The following ZBTB16 variants were observed in gnomAD, a reference collection of about 807,000 sequenced individuals.
ZBTB16 encodes zinc finger and BTB domain containing 16, also known as zinc finger and BTB domain-containing protein 16.
Under a neutral mutation model 56.8 loss-of-function variants are expected in ZBTB16, and 8 were observed. That is an observed-to-expected ratio of 0.14 (90% CI 0.08 to 0.25). The LOEUF is 0.25. ZBTB16 is among the 10% of genes least tolerant of loss of function. ZBTB16 has a pLI of 1.00. For missense variants in ZBTB16, 625 were observed against 903.0 expected (o/e 0.69, Z 3.95); for synonymous variants, 363 against 368.5 (o/e 0.98, Z 0.17).
At chr11:114,180,534 C>G (rs1349348735) in intron 3 of ZBTB16, among the ~76,000 whole-genome samples, 1 of 152,246 alleles carries the variant, frequency 6.6e-6, no homozygotes, top group African/African-American at 2.4e-5. Flanking sequence ...GACAGCCCCA[C>G]TTCCTAACCT....
chr11:114,094,619 T>C (rs1565621969), intron 2 of ZBTB16, among the ~76,000 whole-genome samples: 1 of 152,194 alleles, frequency 6.6e-6, no homozygotes, highest in Non-Finnish European at 1.5e-5. Flanking sequence ...CTTTCTGGGC[T>C]CAAGCATGGT....
intron 4 of ZBTB16, chr11:114,210,085 G>A (rs1188368231): frequency 2.2e-5 from 8 of 369,062 alleles, no homozygotes; most frequent in Non-Finnish European, 3.0e-5. Flanking sequence ...AGCAGATGAA[G>A]GAGGTGTACT....
intron 3 of ZBTB16, among the ~76,000 whole-genome samples, chr11:114,171,762 C>G (rs1471420714): frequency 6.6e-6 from 1 of 152,228 alleles, no homozygotes; most frequent in Non-Finnish European, 1.5e-5. Flanking sequence ...GTTTTCAGAA[C>G]TTTATCTCAG....
chr11:114,097,187 A>G (rs1166982671), intron 2 of ZBTB16, among the ~76,000 whole-genome samples: 1 of 152,242 alleles, frequency 6.6e-6, no homozygotes, highest in Non-Finnish European at 1.5e-5. Flanking sequence ...TAGGTGAAAT[A>G]AGCTAGATAG....
chr11:114,239,787 A>C (rs1023560087), intron 4 of ZBTB16, among the ~76,000 whole-genome samples: 1 of 152,142 alleles, frequency 6.6e-6, no homozygotes, highest in African/African-American at 2.4e-5. Context: ...TACCATCCTT[A>C]CTGGGCCTCT....
chr11:114,152,233 C>T (rs1054230591), intron 2 of ZBTB16, among the ~76,000 whole-genome samples: 2 of 152,180 alleles, frequency 1.3e-5, no homozygotes, highest in South Asian at 2.1e-4. Context: ...AATATAGGCA[C>T]GGTCTCTGCC....
At chr11:114,184,684 A>G (rs953507090) in intron 3 of ZBTB16, among the ~76,000 whole-genome samples, 4 of 152,166 alleles carry the variant, frequency 2.6e-5, no homozygotes, top group African/African-American at 7.2e-5. Flanking sequence ...AGGTAATGCT[A>G]GCATGTACTA....
At chr11:114,127,485 C>T (rs963654786) in intron 2 of ZBTB16, among the ~76,000 whole-genome samples, 1 of 152,308 alleles carries the variant, frequency 6.6e-6, no homozygotes, top group East Asian at 1.9e-4. Context: ...CTCACACTCC[C>T]CACCCCAGTA....
At chr11:114,099,429 A>G (rs534780892) in intron 2 of ZBTB16, among the ~76,000 whole-genome samples, 14 of 152,096 alleles carry the variant, frequency 9.2e-5, no homozygotes, top group African/African-American at 3.4e-4. Flanking sequence ...TGTAGGTATT[A>G]TTTAGATTTA....
chr11:114,217,763 A>G (rs1028639599), intron 4 of ZBTB16, among the ~76,000 whole-genome samples: 3 of 152,148 alleles, frequency 2.0e-5, no homozygotes, highest in Non-Finnish European at 4.4e-5. Flanking sequence ...GCAGAACACC[A>G]TGGTGGGGAT....
intron 4 of ZBTB16, among the ~76,000 whole-genome samples, chr11:114,222,794 GC>G (rs1361495340): frequency 2.0e-5 from 3 of 152,158 alleles, no homozygotes; most frequent in Non-Finnish European, 2.9e-5. Flanking sequence ...CCCATATGCT[GC>G]GAAAATTGAT....
chr11:114,121,043 C>T (rs778553121), intron 2 of ZBTB16, among the ~76,000 whole-genome samples: 2 of 152,174 alleles, frequency 1.3e-5, no homozygotes, highest in African/African-American at 4.8e-5. Context: ...ACTTGCAGTT[C>T]GTGTGAATCC....
At chr11:114,189,098 C>T (rs1943432657) in intron 4 of ZBTB16, 1 of 152,238 alleles carries the variant, frequency 6.6e-6, no homozygotes, top group Non-Finnish European at 1.5e-5. Context: ...TCTGTCAAGT[C>T]TCTCAGCCCT....
At chr11:114,121,487 G>C (rs928947060) in intron 2 of ZBTB16, among the ~76,000 whole-genome samples, 3 of 152,128 alleles carry the variant, frequency 2.0e-5, no homozygotes, top group East Asian at 1.9e-4. Flanking sequence ...TCTCATGCCT[G>C]GTTCTTGATT....
At chr11:114,238,092 A>ATTT (rs1333098356) in intron 4 of ZBTB16, among the ~76,000 whole-genome samples, 1 of 151,878 alleles carries the variant, frequency 6.6e-6, no homozygotes, top group Non-Finnish European at 1.5e-5. Context: ...GCCATCTGGG[A>ATTT]TTTTTTGCGT....
At position 114,164,792 on chromosome 11, in the gene ZBTB16, C is replaced by T. The variant is rs893915117; in HGVS notation, c.1366+8358C>T. Among the ~76,000 whole-genome samples, 9 of 152,228 alleles carry T rather than the reference C, an allele frequency of 5.9e-5. No homozygotes were observed. In the South Asian group the frequency reaches 6.2e-4, roughly 11 times the overall value. ...GCTTTGGGCATCCATCACGCTACTG[C>T]GGCCCTTACTTTCAGTGCTCTTGTC... On this transcript the variant is annotated intron_variant, in intron 3 of 6. Transcript: ENST00000335953.
intron 3 of ZBTB16, among the ~76,000 whole-genome samples, chr11:114,159,245 C>T (rs1942510119): frequency 1.3e-5 from 2 of 152,216 alleles, no homozygotes; most frequent in African/African-American, 4.8e-5. Flanking sequence ...CCCCTGATCT[C>T]ATATGGCTGC....
At chr11:114,199,863 T>A (rs1386552879) in intron 4 of ZBTB16, among the ~76,000 whole-genome samples, 2 of 152,168 alleles carry the variant, frequency 1.3e-5, no homozygotes, top group African/African-American at 2.4e-5. Context: ...GCACGGTGGC[T>A]CACACCTGTA....
intron 2 of ZBTB16, among the ~76,000 whole-genome samples, chr11:114,075,373 C>T (rs904158074): frequency 1.3e-5 from 2 of 152,084 alleles, no homozygotes; most frequent in African/African-American, 2.4e-5. Context: ...CATGGCCCAG[C>T]GTCCGGCCAG....
Sources: gnomAD v4.1 joint callset for allele counts (sites outside exome capture counted in the v4.1 genomes callset) on GRCh38, gnomAD v4.1.1 for gene constraint, MANE v1.5 for transcripts, NCBI Gene and HGNC (gene_info 2026-07-23, HGNC 2026-07-21) for gene names.